The following ROBO1 variants were observed in gnomAD, a reference collection of about 807,000 sequenced individuals.
ROBO1 encodes the protein roundabout guidance receptor 1.
Under a neutral mutation model 195.9 loss-of-function variants are expected in ROBO1, and 149 were observed. That is an observed-to-expected ratio of 0.76 (90% CI 0.67 to 0.87). The LOEUF is 0.87. Among genes scored for constraint, ROBO1 ranks in the 40% least tolerant of loss-of-function variants. The probability of loss-of-function intolerance (pLI) is 0.00; values close to 1 mark genes in which losing one functional copy is unlikely to be tolerated. For missense variants in ROBO1, 1,933 were observed against 2,068.3 expected (o/e 0.93, Z 1.27); for synonymous variants, 816 against 733.2 (o/e 1.11, Z -1.82).
At chr3:79,615,569 C>T (rs745474070) in intron 1 of ROBO1, among the ~76,000 whole-genome samples, 8 of 152,012 alleles carry the variant, frequency 5.3e-5, no homozygotes, top group Non-Finnish European at 1.0e-4. Flanking sequence ...AGCACTCAAA[C>T]CTAAGCTAAA....
At chr3:79,421,432 C>T (rs1481183613) in intron 2 of ROBO1, among the ~76,000 whole-genome samples, 3 of 151,734 alleles carry the variant, frequency 2.0e-5, no homozygotes, top group Non-Finnish European at 4.4e-5. Flanking sequence ...CAGTGGAAAT[C>T]TGCCCGGAGA....
At chr3:78,669,459 T>C (rs1203855246) in intron 11 of ROBO1, among the ~76,000 whole-genome samples, 1 of 152,208 alleles carries the variant, frequency 6.6e-6, no homozygotes, top group Non-Finnish European at 1.5e-5. Flanking sequence ...TATTCTTTCA[T>C]ATGCCTCAGG....
intron 3 of ROBO1, among the ~76,000 whole-genome samples, chr3:79,029,869 G>T (rs2078262958): frequency 6.6e-6 from 1 of 152,106 alleles, no homozygotes. Flanking sequence ...ACAAATAATT[G>T]CTGTAAAAAT....
chr3:79,219,668 C>A (rs190902250), intron 2 of ROBO1, among the ~76,000 whole-genome samples: 1 of 152,106 alleles, frequency 6.6e-6, no homozygotes, highest in African/African-American at 2.4e-5. Flanking sequence ...GTTCATTTTT[C>A]TAGTAATTGC....
intron 2 of ROBO1, among the ~76,000 whole-genome samples, chr3:79,173,940 ATC>A (rs1010513210): frequency 6.6e-6 from 1 of 152,104 alleles, no homozygotes; most frequent in Non-Finnish European, 1.5e-5. Flanking sequence ...GACACTCTGT[ATC>A]TAGCTACTCT....
intron 28 of ROBO1, among the ~76,000 whole-genome samples, chr3:78,608,107 T>C (rs1703573503): frequency 6.6e-6 from 1 of 152,114 alleles, no homozygotes; most frequent in African/African-American, 2.4e-5. Context: ...ATGTAACTTA[T>C]ATAATTTAAT....
intron 2 of ROBO1, among the ~76,000 whole-genome samples, chr3:79,467,821 C>A (rs918836673): frequency 3.3e-5 from 5 of 152,166 alleles, no homozygotes; most frequent in Admixed American, 6.5e-5. Flanking sequence ...CCTAGACTGC[C>A]GTGGGGCTAG....
chr3:79,160,262 T>TGTGTG (rs2080934443), intron 2 of ROBO1, among the ~76,000 whole-genome samples: 1 of 143,162 alleles, frequency 7.0e-6, no homozygotes, highest in African/African-American at 2.8e-5. Flanking sequence ...GTGTGTGTGT[T>TGTGTG]GTAGCATGAC....
chr3:78,658,534 G>A (rs1217309398), intron 17 of ROBO1, among the ~76,000 whole-genome samples: 4 of 152,068 alleles, frequency 2.6e-5, no homozygotes, highest in Admixed American at 6.6e-5. Flanking sequence ...TGCCTGCCTC[G>A]GCCTCTCAAA....
intron 2 of ROBO1, among the ~76,000 whole-genome samples, chr3:79,145,049 T>A (rs2108622559): frequency 6.6e-6 from 1 of 152,102 alleles, no homozygotes; most frequent in Admixed American, 6.6e-5. Flanking sequence ...CATCCTATTT[T>A]TATATACCTT....
Position 79,117,150 on chromosome 3 carries a change from C to T in ROBO1, c.172+8306G>A, listed in dbSNP as rs563121842. ...GGGGGGCCAAGGTGGGCGGATTGCC[C>T]GTAGCTCAGGAGTTCGTGACCAGCC... On this transcript the variant is annotated intron_variant, in intron 3 of 30. Coordinates refer to ENST00000464233, the MANE Select transcript of ROBO1 (RefSeq NM_002941.4). Among the ~76,000 whole-genome samples, 246 of 151,878 alleles carry T rather than the reference C, an allele frequency of 1.6e-3. 2 individuals are homozygous for T. The highest frequency in any genetic ancestry group is 5.4e-3 in the African/African-American group (222 of 41,458).
chr3:79,729,441 T>G (rs1703056026), intron 1 of ROBO1, among the ~76,000 whole-genome samples: 1 of 152,166 alleles, frequency 6.6e-6, no homozygotes, highest in Non-Finnish European at 1.5e-5. Flanking sequence ...GAATCATAAT[T>G]AAGACTAGTT....
chr3:79,016,537 C>T (rs1197187090), intron 3 of ROBO1, among the ~76,000 whole-genome samples: 1 of 152,154 alleles, frequency 6.6e-6, no homozygotes, highest in Non-Finnish European at 1.5e-5. Context: ...ATATCTACTA[C>T]TCAAATTATT....
chr3:78,717,162 CT>C lies in ROBO1; in HGVS notation c.917+112del, dbSNP rs370347115. 16 of 1,132,592 alleles carry C rather than the reference CT, an allele frequency of 1.4e-5. No homozygotes were observed. The African/African-American group carries it at 2.1e-4, about 15-fold the overall frequency. The allele number at this position is 1,132,592 out of a possible 1,614,324, so 70.2% of individuals were successfully genotyped here. ...TTATCTCCAGTATTGTATCTGGCCC[CT>C]GATAGAGGATTCTAGAATGGACTAT... On this transcript the variant is annotated intron_variant, in intron 7 of 30. Transcript: ENST00000464233.
chr3:79,435,935 G>A (rs915907707), intron 2 of ROBO1, among the ~76,000 whole-genome samples: 4 of 152,070 alleles, frequency 2.6e-5, no homozygotes, highest in African/African-American at 4.8e-5. Context: ...ATAAAAAGCT[G>A]ATCAATCCTA....
chr3:79,326,596 A>T (rs768599120), intron 2 of ROBO1, among the ~76,000 whole-genome samples: 34 of 152,230 alleles, frequency 2.2e-4, no homozygotes, highest in Non-Finnish European at 2.1e-4. Flanking sequence ...GATATGTGAG[A>T]GAACCTAAAA....
At chr3:78,646,241 T>G (rs1706283203) in intron 20 of ROBO1, 51 bp from the exon 21 acceptor site, 2 of 1,510,200 alleles carry the variant, frequency 1.3e-6, no homozygotes, top group Non-Finnish European at 1.8e-6. Context: ...TATTTATATA[T>G]CAAAAGCTAT....
At chr3:78,644,251 A>G (rs1187621949) in intron 21 of ROBO1, among the ~76,000 whole-genome samples, 4 of 152,052 alleles carry the variant, frequency 2.6e-5, no homozygotes, top group Non-Finnish European at 1.5e-5. Context: ...TCAACTGCTG[A>G]TATTGTACAG....
At chr3:79,493,301 A>C (rs879602929) in intron 2 of ROBO1, among the ~76,000 whole-genome samples, 1 of 152,060 alleles carries the variant, frequency 6.6e-6, no homozygotes, top group African/African-American at 2.4e-5. Flanking sequence ...AAACTCTAAA[A>C]ATAGTAATTA....
Sources: gnomAD v4.1 joint callset for allele counts (sites outside exome capture counted in the v4.1 genomes callset) on GRCh38, gnomAD v4.1.1 for gene constraint, MANE v1.5 for transcripts, NCBI Gene and HGNC (gene_info 2026-07-23, HGNC 2026-07-21) for gene names.